CTIF: variants seen among roughly 807,000 people sequenced by gnomAD.
CTIF encodes cap binding complex dependent translation initiation factor.
Under a neutral mutation model 66.0 loss-of-function variants are expected in CTIF, and 21 were observed. The ratio of observed to expected loss-of-function variants is 0.32; its 90% CI spans 0.23 to 0.46. The LOEUF (loss-of-function observed/expected upper bound fraction) is 0.46, where lower values mean the gene tolerates loss of function less well. Ranked by LOEUF, CTIF falls within the 20% of genes least tolerant of loss-of-function variation. The pLI, the probability that CTIF is intolerant of heterozygous loss-of-function variation, is 1.00. For synonymous variants in CTIF, 345 were observed against 326.4 expected (o/e 1.06, Z -0.62); for missense variants, 739 against 812.7 (o/e 0.91, Z 1.10).
Position 48,743,370 on chromosome 18 carries a change from A to C in CTIF, c.585-14549A>C, listed in dbSNP as rs541121301. ...TTTAGAAACAAAGCAAGAATATTAC[A>C]AAATCAAACCAGTTGACTTTCATTT... On this transcript the variant is annotated intron_variant, in intron 7 of 11. Coordinates refer to ENST00000256413, the MANE Select transcript of CTIF (RefSeq NM_014772.3). 2.8e-4 allele frequency among the ~76,000 whole-genome samples: 43 copies of C among 152,372 alleles called. 1 individual carries two copies. The South Asian group carries it at 7.5e-3, about 26-fold the overall frequency.
intron 1 of CTIF, among the ~76,000 whole-genome samples, chr18:48,617,679 T>G (rs1445844825): frequency 6.6e-6 from 1 of 152,220 alleles, no homozygotes; most frequent in Non-Finnish European, 1.5e-5. Flanking sequence ...TGCCCCTGCC[T>G]GTGGCCCTTG....
intron 7 of CTIF, among the ~76,000 whole-genome samples, chr18:48,736,900 TTGC>T (rs2092508452): frequency 6.6e-6 from 1 of 152,160 alleles, no homozygotes; most frequent in South Asian, 2.1e-4. Context: ...GCCCAGTCAC[TTGC>T]TGCTGCACTC....
intron 1 of CTIF, among the ~76,000 whole-genome samples, chr18:48,578,458 C>T (rs7228578): frequency 0.018 from 2,748 of 152,250 alleles, 77 homozygotes; most frequent in African/African-American, 0.064. Context: ...CTTGAGGGTT[C>T]CAGTTTCTCT....
chr18:48,540,793 C>T (rs946119349), intron 1 of CTIF, among the ~76,000 whole-genome samples: 5 of 152,100 alleles, frequency 3.3e-5, no homozygotes, highest in African/African-American at 4.8e-5. Context: ...CGATCCTCCG[C>T]GCGACCTGTC....
rs2090454687 is a variant in CTIF at position 48,619,520 on chromosome 18, T to G, written c.-28-18T>G. 4 of 1,403,534 alleles carry G rather than the reference T, an allele frequency of 2.8e-6. No homozygotes were observed. The highest frequency in any genetic ancestry group is 3.7e-6 in the Non-Finnish European group (4 of 1,075,484). The allele number at this position is 1,403,534 out of a possible 1,614,324, so 86.9% of individuals were successfully genotyped here. On this transcript the variant is annotated intron_variant, in intron 1 of 11. Coordinates refer to ENST00000256413, the MANE Select transcript of CTIF (RefSeq NM_014772.3). ...TCCAGCAGCGTCTCACGGAGTTCTC[T>G]GTCCTCTTTCCCACCAGTCCCGGCC... is the stretch of plus-strand genomic sequence containing the variant.
chr18:48,633,404 A>G (rs889631642), intron 2 of CTIF, among the ~76,000 whole-genome samples: 1 of 151,546 alleles, frequency 6.6e-6, no homozygotes, highest in African/African-American at 2.4e-5. Flanking sequence ...ATCTGTATAC[A>G]TTATTCTAAA....
At chr18:48,558,363 G>A (rs1172777700) in intron 1 of CTIF, among the ~76,000 whole-genome samples, 1 of 152,236 alleles carries the variant, frequency 6.6e-6, no homozygotes, top group Non-Finnish European at 1.5e-5. Context: ...TAATGTTACA[G>A]TTGGTACACG....
intron 1 of CTIF, among the ~76,000 whole-genome samples, chr18:48,559,361 C>A (rs953365576): frequency 6.6e-6 from 1 of 152,088 alleles, no homozygotes; most frequent in South Asian, 2.1e-4. Context: ...CTACCACCCC[C>A]CCCAATCCTA....
chr18:48,563,582 C>T (rs1298576077), intron 1 of CTIF, among the ~76,000 whole-genome samples: 1 of 152,242 alleles, frequency 6.6e-6, no homozygotes, highest in Non-Finnish European at 1.5e-5. Flanking sequence ...AGCAATTCTC[C>T]TGCCTCAGTC....
chr18:48,837,935 G>C (rs554779245), intron 10 of CTIF, among the ~76,000 whole-genome samples: 1 of 152,296 alleles, frequency 6.6e-6, no homozygotes, highest in African/African-American at 2.4e-5. Flanking sequence ...GAAGGGAGTG[G>C]GGCTGTCTCT....
At chr18:48,605,096 A>G (rs776176641) in intron 1 of CTIF, among the ~76,000 whole-genome samples, 8 of 152,176 alleles carry the variant, frequency 5.3e-5, no homozygotes, top group Non-Finnish European at 1.0e-4. Context: ...TTTGTGTGCA[A>G]GTTTTTATGT....
intron 6 of CTIF, among the ~76,000 whole-genome samples, chr18:48,693,084 G>A (rs1014507332): frequency 2.0e-5 from 3 of 152,136 alleles, no homozygotes; most frequent in Admixed American, 6.5e-5. Context: ...ATGATGAATC[G>A]GTGTTAATGA....
intron 9 of CTIF, among the ~76,000 whole-genome samples, chr18:48,774,770 C>T (rs141791895): frequency 2.0e-5 from 3 of 152,242 alleles, no homozygotes; most frequent in East Asian, 1.9e-4. Flanking sequence ...CCCAGTTTTC[C>T]GTAGAGCAAA....
chr18:48,858,973 C>G (rs1289369742), intron 11 of CTIF, among the ~76,000 whole-genome samples: 1 of 152,128 alleles, frequency 6.6e-6, no homozygotes, highest in Non-Finnish European at 1.5e-5. Context: ...CCCCTGATCA[C>G]CAAGGGGCAC....
intron 1 of CTIF, among the ~76,000 whole-genome samples, chr18:48,576,073 C>A (rs972716214): frequency 3.9e-5 from 6 of 152,256 alleles, no homozygotes; most frequent in Non-Finnish European, 5.9e-5. Flanking sequence ...TTGTCCCTCC[C>A]GGTCCTCGGG....
At chr18:48,615,847 A>G (rs187884597) in intron 1 of CTIF, among the ~76,000 whole-genome samples, 1 of 152,336 alleles carries the variant, frequency 6.6e-6, no homozygotes, top group East Asian at 1.9e-4. Flanking sequence ...ACACTAGAGT[A>G]GAAGGAATGG....
rs189706020 is a variant in CTIF, at chr18:48,691,950, C to T, written c.508-19669C>T. Among the ~76,000 whole-genome samples, 11 of 152,254 alleles carry T rather than the reference C, an allele frequency of 7.2e-5. No homozygotes were observed. The East Asian group carries it at 9.6e-4, about 13-fold the overall frequency. On this transcript the variant is annotated intron_variant, in intron 6 of 11. Transcript: ENST00000256413. ...AGGCTAGAGCACAGTGGTGTGATTT[C>T]GGCTCACGGCAACGTCTGTCTCCCG...
chr18:48,835,715 C>T (rs1335878529), intron 10 of CTIF, among the ~76,000 whole-genome samples: 1 of 152,170 alleles, frequency 6.6e-6, no homozygotes, highest in South Asian at 2.1e-4. Flanking sequence ...CCCCCTCTGG[C>T]GTGGTCCATA....
intron 3 of CTIF, among the ~76,000 whole-genome samples, chr18:48,656,398 A>G (rs550944544): frequency 3.9e-4 from 59 of 152,286 alleles, no homozygotes; most frequent in South Asian, 8.3e-4. Flanking sequence ...TGATCATACT[A>G]TCTGCTTCTT....
Sources: allele counts gnomAD v4.1 joint callset (sites outside exome capture counted in the v4.1 genomes callset), GRCh38; gene constraint gnomAD v4.1.1; transcripts MANE v1.5; gene names NCBI Gene and HGNC (gene_info 2026-07-23, HGNC 2026-07-21).